GULP1: variants seen among roughly 807,000 people sequenced by gnomAD.
The protein encoded by GULP1 is GULP PTB domain containing engulfment adaptor 1.
In GULP1, 19 loss-of-function variants were observed where a neutral mutation model predicts 40.9. That is an observed-to-expected ratio of 0.46 (90% confidence interval 0.32 to 0.68). GULP1 has a LOEUF of 0.68. GULP1 is among the 30% of genes least tolerant of loss of function. The pLI is 0.03. For missense variants in GULP1, 312 were observed against 362.2 expected, an observed-to-expected ratio of 0.86 and a Z score of 1.12; for synonymous variants, 119 against 117.6, an observed-to-expected ratio of 1.01 and a Z score of -0.08.
intron 4 of GULP1, among the ~76,000 whole-genome samples, chr2:188,492,017 T>C (rs1464700679): frequency 6.6e-6 from 1 of 152,052 alleles, no homozygotes; most frequent in African/African-American, 2.4e-5. Flanking sequence ...TAAATCATTT[T>C]CATAAACGTA....
intron 2 of GULP1, among the ~76,000 whole-genome samples, chr2:188,451,735 T>G (rs918965173): frequency 1.3e-5 from 2 of 152,162 alleles, no homozygotes; most frequent in African/African-American, 4.8e-5. Flanking sequence ...CTTTATAGTT[T>G]ATTCTTCTCT....
At chr2:188,394,492 A>C (rs1574971094) in intron 2 of GULP1, among the ~76,000 whole-genome samples, 1 of 152,086 alleles carries the variant, frequency 6.6e-6, no homozygotes, top group East Asian at 1.9e-4. Context: ...TGAGTAGCTT[A>C]ATTATCAACA....
intron 1 of GULP1, among the ~76,000 whole-genome samples, chr2:188,371,004 C>G (rs2047533447): frequency 6.6e-6 from 1 of 152,114 alleles, no homozygotes; most frequent in African/African-American, 2.4e-5. Context: ...TGAGCATTTA[C>G]TATTTCCCAG....
chr2:188,386,601 T>C (rs1484215905), intron 2 of GULP1, among the ~76,000 whole-genome samples: 3 of 152,176 alleles, frequency 2.0e-5, no homozygotes, highest in African/African-American at 7.2e-5. Context: ...AATATTCTTA[T>C]AGATAAATTG....
intron 1 of GULP1, among the ~76,000 whole-genome samples, chr2:188,343,256 A>T (rs2043197474): frequency 6.6e-6 from 1 of 152,208 alleles, no homozygotes; most frequent in African/African-American, 2.4e-5. Flanking sequence ...ATTCATGAAG[A>T]AATGTGGACA....
At chr2:188,580,552 CAAA>C (rs35794163) in intron 9 of GULP1, among the ~76,000 whole-genome samples, 16 of 121,316 alleles carry the variant, frequency 1.3e-4, no homozygotes, top group Admixed American at 1.6e-4. Context: ...GACTCCGTCT[CAAA>C]AAAAAAAAAA....
intron 6 of GULP1, among the ~76,000 whole-genome samples, chr2:188,530,893 C>T (rs935009471): frequency 7.2e-5 from 11 of 152,134 alleles, no homozygotes; most frequent in Non-Finnish European, 1.5e-4. Flanking sequence ...TTTATAAATA[C>T]GTATCGTCAA....
At chr2:188,577,862 A>G (rs1700466784) in intron 9 of GULP1, among the ~76,000 whole-genome samples, 2 of 152,112 alleles carry the variant, frequency 1.3e-5, no homozygotes, top group African/African-American at 4.8e-5. Context: ...AAAAGTATGA[A>G]TCAGCATGGT....
At chr2:188,418,034 A>G (rs2152749774) in intron 2 of GULP1, among the ~76,000 whole-genome samples, 1 of 151,906 alleles carries the variant, frequency 6.6e-6, no homozygotes, top group African/African-American at 2.4e-5. Flanking sequence ...GCCACGTCTC[A>G]AACTCCAGGC....
chr2:188,301,973 A>G (rs1296758335), intron 1 of GULP1, among the ~76,000 whole-genome samples: 1 of 152,118 alleles, frequency 6.6e-6, no homozygotes, highest in African/African-American at 2.4e-5. Flanking sequence ...TGAGATAATG[A>G]ATTTCTTTCT....
Position 188,594,092 on chromosome 2 carries a change from A to T in GULP1, c.*81A>T. On this transcript the variant is annotated 3_prime_UTR_variant, in exon 12 of 12. Transcript: ENST00000409830. ...TTATTATTATTACTTTAAGATAGGT[A>T]TTATTCATGTGTCAATGTTTTTGAA... The T allele has an allele frequency of 1.3e-6, 1 of 757,134 alleles. No homozygotes were observed. Among genetic ancestry groups the T allele is most frequent in the African/African-American group, 1.7e-5 (1 of 57,470 alleles). The allele number at this position is 757,134 out of a possible 1,614,324, so 46.9% of individuals were successfully genotyped here. A position where few individuals can be genotyped will look rare whatever the true frequency, so the allele number is the denominator to read the frequency against.
At chr2:188,355,069 A>G (rs1302789272) in intron 1 of GULP1, among the ~76,000 whole-genome samples, 1 of 152,160 alleles carries the variant, frequency 6.6e-6, no homozygotes. Context: ...TGTTTATAGC[A>G]ATAAGCTCTA....
chr2:188,393,968 A>G (rs1407420122), intron 2 of GULP1, among the ~76,000 whole-genome samples: 1 of 152,086 alleles, frequency 6.6e-6, no homozygotes, highest in Non-Finnish European at 1.5e-5. Context: ...TTTTTTAAAC[A>G]TTGGCTTTAG....
chr2:188,579,006 C>G (rs2174808), intron 9 of GULP1, among the ~76,000 whole-genome samples: 3 of 152,156 alleles, frequency 2.0e-5, no homozygotes, highest in East Asian at 3.8e-4. Flanking sequence ...TCCGCACGTT[C>G]ATATCCTTAT....
At chr2:188,368,790 T>C (rs1013423668) in intron 1 of GULP1, among the ~76,000 whole-genome samples, 6 of 151,084 alleles carry the variant, frequency 4.0e-5, no homozygotes, top group African/African-American at 1.5e-4. Context: ...ATGAAAAACA[T>C]ATTTCCTTTT....
chr2:188,366,276 A>G (rs1240131582), intron 1 of GULP1, among the ~76,000 whole-genome samples: 3 of 152,172 alleles, frequency 2.0e-5, no homozygotes, highest in African/African-American at 7.2e-5. Flanking sequence ...AACAAAAACC[A>G]AGAAACGGTT....
intron 1 of GULP1, among the ~76,000 whole-genome samples, chr2:188,315,621 C>T (rs1257107502): frequency 2.0e-5 from 3 of 151,824 alleles, no homozygotes; most frequent in African/African-American, 7.3e-5. Context: ...TACAGTAGGC[C>T]CCCTTCATCC....
chr2:188,529,170 TA>T lies in GULP1; in HGVS notation c.241del (p.Ile81PhefsTer2). The part of the protein sequence containing the change: ...KVELQISIYG[V>X]KILEPKTKEV... The stretch of plus-strand genomic sequence containing the variant: ...GAGTTGCAAATATCAATTTATGGAG[TA>T]AAAATTCTAGAACCCAAAACAAAGG... On this transcript the variant is annotated frameshift_variant, in exon 6 of 12. Transcript: ENST00000409830. LOFTEE classifies it high-confidence loss of function. 2 of 1,570,254 alleles carry T rather than the reference TA, an allele frequency of 1.3e-6. No individual in the cohort carries two copies. Among genetic ancestry groups the T allele is most frequent in the Non-Finnish European group, 1.7e-6 (2 of 1,147,040 alleles).
chr2:188,497,822 A>G (rs1277107575), intron 4 of GULP1, among the ~76,000 whole-genome samples: 4 of 151,994 alleles, frequency 2.6e-5, no homozygotes, highest in African/African-American at 9.7e-5. Context: ...TATACAAAAG[A>G]ATACACAAAA....
Sources: allele counts gnomAD v4.1 joint callset (sites outside exome capture counted in the v4.1 genomes callset), GRCh38; gene constraint gnomAD v4.1.1; transcripts MANE v1.5; gene names NCBI Gene and HGNC (gene_info 2026-07-23, HGNC 2026-07-21).